Variants in DYSF observed in about 807,000 individuals in gnomAD.
DYSF encodes dystrophy-associated fer-1-like 1.
Under a neutral mutation model 274.9 loss-of-function variants are expected in DYSF, and 212 were observed. That is an observed-to-expected ratio of 0.77 (90% CI 0.69 to 0.86). The LOEUF (loss-of-function observed/expected upper bound fraction) is 0.86. Ranked by LOEUF, DYSF falls within the 40% of genes least tolerant of loss-of-function variation. DYSF has a pLI of 0.00. For missense variants in DYSF, 2,666 were observed against 2,783.2 expected (o/e 0.96, Z 0.95); for synonymous variants, 1,091 against 1,078.7 (o/e 1.01, Z -0.22).
chr2:71,549,355 C>G lies in DYSF; in HGVS notation c.1577-1686C>G, dbSNP rs368577086. The G allele has an allele frequency of 1.5e-5, 24 of 1,612,618 alleles. No homozygotes were observed. The highest frequency in any genetic ancestry group is 3.3e-5 in the Admixed American group (2 of 59,926). On this transcript the variant is annotated intron_variant, in intron 17 of 55. Transcript: ENST00000410020. ...TCCATTTCTTTACGCTTCAGAGGAG[C>G]CTGCAGGTGCTGTCAAGCCTTCGAA...
chr2:71,512,769 G>A (rs1278104880), intron 5 of DYSF, among the ~76,000 whole-genome samples: 1 of 152,228 alleles, frequency 6.6e-6, no homozygotes, highest in African/African-American at 2.4e-5. Flanking sequence ...TCAATTGAGT[G>A]TGCCCTGTGC....
intron 55 of DYSF, among the ~76,000 whole-genome samples, chr2:71,684,005 T>G (rs1157740146): frequency 6.6e-6 from 1 of 152,226 alleles, no homozygotes; most frequent in African/African-American, 2.4e-5. Flanking sequence ...TGGGCCATAG[T>G]GACTAAGGAG....
intron 23 of DYSF, among the ~76,000 whole-genome samples, chr2:71,563,754 T>C (rs2091921739): frequency 1.3e-5 from 2 of 152,174 alleles, no homozygotes; most frequent in Non-Finnish European, 2.9e-5. Flanking sequence ...AATGTAAGGT[T>C]TGAGGTCCAG....
chr2:71,592,748 C>G lies in DYSF; in HGVS notation c.3574+2460C>G, dbSNP rs139785272. Among the ~76,000 whole-genome samples the G allele has an allele frequency of 1.8e-4, 27 of 152,360 alleles. No homozygotes were observed. In the East Asian group the frequency reaches 4.2e-3, roughly 24 times the overall value. On this transcript the variant is annotated intron_variant, in intron 32 of 55. Transcript: ENST00000410020. Reference sequence around the variant, plus strand: ...GCCTCTGACCTGTGGCTCTCTGGGCCTTTCCCCGGGGGCTCCTACAGCCCT... The same window carrying G: ...GCCTCTGACCTGTGGCTCTCTGGGCGTTTCCCCGGGGGCTCCTACAGCCCT...
intron 22 of DYSF, 57 bp from the exon 23 acceptor site, chr2:71,561,695 T>A (rs1391028632): frequency 7.5e-6 from 12 of 1,606,884 alleles, no homozygotes; most frequent in Non-Finnish European, 8.5e-6. Context: ...TGTGCATGCC[T>A]GGACCTGGGA....
chr2:71,579,364 CAG>C (rs2092814177), intron 30 of DYSF, among the ~76,000 whole-genome samples: 1 of 152,174 alleles, frequency 6.6e-6, no homozygotes, highest in Non-Finnish European at 1.5e-5. Context: ...AACGTGTGCT[CAG>C]AGTCTTGGAG....
intron 12 of DYSF, among the ~76,000 whole-genome samples, chr2:71,525,892 T>C (rs533028130): frequency 6.6e-6 from 1 of 152,294 alleles, no homozygotes; most frequent in South Asian, 2.1e-4. Context: ...ACTACTGTAC[T>C]ATGTTTTAAC....
At position 71,600,737 on chromosome 2, in the gene DYSF, A is replaced by G. The variant is rs762041312; in HGVS notation, c.3792A>G (p.Gln1264=). The part of the protein sequence containing the change: ...ADEFMGRCIC[Q]PSLERMPRLA... ...AGTTTATGGGTCGCTGCATCTGTCA[A>G]CCGAGTCTGGAACGGATGCCACGGC... Residue 1264 remains glutamine, a synonymous_variant, in exon 34 of 56, where the codon CAA becomes CAG. Coordinates refer to ENST00000410020, the MANE Select transcript of DYSF (RefSeq NM_001130987.2). 9.9e-6 allele frequency: 16 copies of G among 1,613,918 alleles called. No homozygotes were observed. Among genetic ancestry groups the G allele is most frequent in the Middle Eastern group, 1.6e-4 (1 of 6,084 alleles).
At chr2:71,626,452 GTTAA>G (rs1338723544) in intron 41 of DYSF, among the ~76,000 whole-genome samples, 4 of 141,772 alleles carry the variant, frequency 2.8e-5, no homozygotes, top group African/African-American at 1.0e-4. Context: ...ATTTACATAT[GTTAA>G]TTAATAACCC....
chr2:71,617,740 G>A (rs1479211447), intron 40 of DYSF, among the ~76,000 whole-genome samples: 3 of 148,038 alleles, frequency 2.0e-5, no homozygotes, highest in Non-Finnish European at 3.0e-5. Context: ...GAGGTGGTGT[G>A]TGTGTATGTG....
At chr2:71,575,264 G>C (rs2092663721) in intron 30 of DYSF, among the ~76,000 whole-genome samples, 1 of 152,112 alleles carries the variant, frequency 6.6e-6, no homozygotes, top group Non-Finnish European at 1.5e-5. Flanking sequence ...CCCTGAGAGG[G>C]AGTGGGTGGG....
At chr2:71,492,858 T>A (rs1282204337) in intron 3 of DYSF, among the ~76,000 whole-genome samples, 1 of 152,040 alleles carries the variant, frequency 6.6e-6, no homozygotes, top group African/African-American at 2.4e-5. Context: ...CTTCAGTAAA[T>A]TTAACACGAT....
intron 1 of DYSF, among the ~76,000 whole-genome samples, chr2:71,458,777 G>A (rs2081169594): frequency 6.6e-6 from 1 of 152,188 alleles, no homozygotes. Context: ...TGCTGGAGTT[G>A]CTAGTGTTTT....
intron 42 of DYSF, among the ~76,000 whole-genome samples, chr2:71,649,672 C>T (rs1023131822): frequency 2.0e-5 from 3 of 151,628 alleles, no homozygotes; most frequent in African/African-American, 4.8e-5. Flanking sequence ...GAAAGTGGAC[C>T]GTGCAAAGAT....
intron 30 of DYSF, among the ~76,000 whole-genome samples, chr2:71,577,678 ACT>A (rs968499729): frequency 1.2e-3 from 181 of 148,568 alleles, no homozygotes; most frequent in African/African-American, 4.0e-3. Context: ...ACCCACACAC[ACT>A]CTTTCACACT....
At chr2:71,571,046 GCACA>G (rs1251048190) in intron 29 of DYSF, 13 of 417,206 alleles carry the variant, frequency 3.1e-5, no homozygotes, top group Non-Finnish European at 5.2e-5. Flanking sequence ...ATTACACCCA[GCACA>G]CACACAGATC....
rs952972362 is a variant in DYSF, at chr2:71,555,976, G to A, written c.2121G>A (p.Leu707=). 1 of 1,562,256 alleles carries A rather than the reference G, an allele frequency of 6.4e-7. No individual in the cohort carries two copies. The highest frequency in any genetic ancestry group is 8.7e-7 in the Non-Finnish European group (1 of 1,152,780). The part of the protein sequence containing the change: ...LGIADRLEAG[L]EQVHLALKAQ... ...TGCCCATTCCACAGGAAGCTGGCCTGGAGCAGGTCCACCTGGCCCTGAAGG... is the reference window on the plus strand; with the variant it reads ...TGCCCATTCCACAGGAAGCTGGCCTAGAGCAGGTCCACCTGGCCCTGAAGG... Residue 707 remains leucine (L), a synonymous_variant, in exon 22 of 56, where the codon CTG becomes CTA. Transcript: ENST00000410020.
intron 1 of DYSF, among the ~76,000 whole-genome samples, chr2:71,471,134 A>C (rs985800460): frequency 6.6e-6 from 1 of 152,174 alleles, no homozygotes; most frequent in African/African-American, 2.4e-5. Context: ...CTTGCTGTTA[A>C]AAATGACAAA....
At chr2:71,494,070 G>C (rs11693599) in intron 3 of DYSF, among the ~76,000 whole-genome samples, 8,844 of 152,232 alleles carry the variant, frequency 0.058, 326 homozygotes, top group East Asian at 0.13. Context: ...CTTTGTGCAA[G>C]ACTGTGTTTT....
Sources: gnomAD v4.1 joint callset for allele counts (sites outside exome capture counted in the v4.1 genomes callset) on GRCh38, gnomAD v4.1.1 for gene constraint, MANE v1.5 for transcripts, NCBI Gene and HGNC (gene_info 2026-07-23, HGNC 2026-07-21) for gene names.